CUL5: variants seen among roughly 807,000 people sequenced by gnomAD.
The protein encoded by CUL5 is cullin 5.
Under a neutral mutation model 108.8 loss-of-function variants are expected in CUL5, and 26 were observed. That is an observed-to-expected ratio of 0.24 (90% confidence interval 0.18 to 0.33). The LOEUF (loss-of-function observed/expected upper bound fraction) is 0.33. Among genes scored for constraint, CUL5 ranks in the 10% least tolerant of loss-of-function variants. The pLI is 1.00. For missense variants in CUL5, 524 were observed against 909.2 expected, an observed-to-expected ratio of 0.58 and a Z score of 5.45; for synonymous variants, 334 against 298.0, an observed-to-expected ratio of 1.12 and a Z score of -1.25.
At chr11:108,067,496 C>A (rs1042700967) in intron 7 of CUL5, among the ~76,000 whole-genome samples, 2 of 151,542 alleles carry the variant, frequency 1.3e-5, no homozygotes, top group Admixed American at 6.6e-5. Context: ...TTCATTGTTA[C>A]AATATGTGAT....
At chr11:108,100,783 C>T (rs1314839031) in intron 18 of CUL5, among the ~76,000 whole-genome samples, 2 of 152,178 alleles carry the variant, frequency 1.3e-5, no homozygotes, top group Non-Finnish European at 2.9e-5. Flanking sequence ...GTAATCCCAA[C>T]ACTTTGGGAG....
intron 2 of CUL5, among the ~76,000 whole-genome samples, chr11:108,037,212 C>G (rs573146085): frequency 6.6e-6 from 1 of 152,218 alleles, no homozygotes; most frequent in Admixed American, 6.5e-5. Flanking sequence ...AATGAGGTAG[C>G]CAATTTTCCT....
intron 2 of CUL5, among the ~76,000 whole-genome samples, chr11:108,045,774 C>T (rs1262274545): frequency 3.3e-5 from 5 of 152,118 alleles, no homozygotes; most frequent in South Asian, 2.1e-4. Context: ...GAGGGAGGAT[C>T]GCCTCAACCC....
At chr11:108,052,605 T>C (rs1231510103) in intron 4 of CUL5, 55 bp from the exon 5 acceptor site, 2 of 1,490,414 alleles carry the variant, frequency 1.3e-6, no homozygotes, top group African/African-American at 1.4e-5. Flanking sequence ...TTGTACATGA[T>C]ACTTTGTATA....
At position 108,098,416 on chromosome 11, in the gene CUL5, A is replaced by T; in HGVS notation, c.2035A>T (p.Lys679Ter). 1 of 1,602,778 alleles carries T rather than the reference A, an allele frequency of 6.2e-7. No individual in the cohort carries two copies. The highest frequency in any genetic ancestry group is 8.5e-7 in the Non-Finnish European group (1 of 1,176,122). Reference protein sequence around the residue: ...NQEFSLIKNAKVQKRGKINLI... With the variant: ...NQEFSLIKNA ...CAATTCTTTTTGTAGAAAAAATGCA[A>T]AGGTTCAGAAAAGGGGTAAAATCAA... Residue 679 changes from lysine (K) to a stop codon, truncating the protein, a stop_gained, in exon 18 of 19, where the codon AAG (lysine) becomes TAG (stop). Transcript: ENST00000393094. LOFTEE classifies it high-confidence loss of function.
Position 108,008,931 on chromosome 11 carries a change from C to CGCGGAACCTGAGCT in CUL5, c.-413_-400dup, listed in dbSNP as rs1861984558. The CGCGGAACCTGAGCT allele has an allele frequency of 1.2e-5, 2 of 170,800 alleles. No individual in the cohort carries two copies. The highest frequency in any genetic ancestry group is 4.7e-5 in the African/African-American group (2 of 42,258). 10.6% of individuals were successfully genotyped at this position (170,800 alleles called of 1,614,324 possible). A position where few individuals can be genotyped will look rare whatever the true frequency, so the allele number is the denominator to read the frequency against. On this transcript the variant is annotated 5_prime_UTR_variant, in exon 1 of 19. Coordinates refer to ENST00000393094, the MANE Select transcript of CUL5 (RefSeq NM_003478.6). ...CCGCCCTCGCGTCACGTGACGTGGC[C>CGCGGAACCTGAGCT]GCGGAACCTGAGCTGCGGGGCCTAA...
chr11:108,019,410 C>T (rs953719530), intron 1 of CUL5, among the ~76,000 whole-genome samples: 5 of 152,138 alleles, frequency 3.3e-5, no homozygotes, highest in East Asian at 3.8e-4. Context: ...ATCTAAAATA[C>T]GACAACTGAG....
rs989536263 is a variant in CUL5, at chr11:108,087,907, G to A, written c.1179-620G>A. ...TTGAACCCGAGAGGCAGAGGTTGCAGTGAGCCAAGATGGCATCATTGCACT... is the reference window on the plus strand; with the variant it reads ...TTGAACCCGAGAGGCAGAGGTTGCAATGAGCCAAGATGGCATCATTGCACT... On this transcript the variant is annotated intron_variant, in intron 11 of 18. Transcript: ENST00000393094. Among the ~76,000 whole-genome samples the A allele has an allele frequency of 7.2e-5, 11 of 152,098 alleles. No individual in the cohort carries two copies. In the South Asian group the frequency reaches 2.3e-3, roughly 31 times the overall value.
At chr11:108,078,282 C>T in intron 11 of CUL5, 42 bp downstream of exon 11, 1 of 1,230,840 alleles carries the variant, frequency 8.1e-7, no homozygotes, top group Non-Finnish European at 1.2e-6. Flanking sequence ...CTTAAATTTT[C>T]TTTAGTGTAA....
At position 108,056,127 on chromosome 11, in the gene CUL5, G is replaced by A. The variant is rs1863371882; in HGVS notation, c.780+1172G>A. Among the ~76,000 whole-genome samples, 3 of 152,162 alleles carry A rather than the reference G, an allele frequency of 2.0e-5. No homozygotes were observed. In the South Asian group the frequency reaches 6.2e-4, roughly 31 times the overall value. ...CTAGTCAGTGACAGTACCATGGTAGGTGTTTTCTTTTACGTGGAGGACTGA... is the reference window on the plus strand; with the variant it reads ...CTAGTCAGTGACAGTACCATGGTAGATGTTTTCTTTTACGTGGAGGACTGA... On this transcript the variant is annotated intron_variant, in intron 7 of 18. Coordinates refer to ENST00000393094, the MANE Select transcript of CUL5 (RefSeq NM_003478.6).
chr11:108,046,403 A>G (rs1863067625), intron 3 of CUL5, 34 bp downstream of exon 3: 2 of 1,211,494 alleles, frequency 1.7e-6, no homozygotes, highest in Admixed American at 1.9e-5. Context: ...GACTTGTTTT[A>G]AAACTACTCA....
chr11:108,080,739 G>T, intron 11 of CUL5, among the ~76,000 whole-genome samples: 1 of 152,028 alleles, frequency 6.6e-6, no homozygotes, highest in Non-Finnish European at 1.5e-5. Flanking sequence ...TTGTTGAGTT[G>T]TAAGAGTTCT....
chr11:108,098,453 G>GT lies in CUL5; in HGVS notation c.2075dup (p.Leu692PhefsTer14). ...AGGGGTAAAATCAACTTGATTGGAC[G>GT]TTTGCAGCTCACTACAGAAAGGATG... is the stretch of plus-strand genomic sequence containing the variant. On this transcript the variant is annotated frameshift_variant, in exon 18 of 19. Coordinates refer to ENST00000393094, the MANE Select transcript of CUL5 (RefSeq NM_003478.6). LOFTEE classifies it high-confidence loss of function. 6.2e-7 allele frequency: 1 copy of GT among 1,605,372 alleles called. No individual in the cohort carries two copies. Among genetic ancestry groups the GT allele is most frequent in the Non-Finnish European group, 8.5e-7 (1 of 1,176,190 alleles).
At chr11:108,048,622 A>G (rs993783794) in intron 3 of CUL5, among the ~76,000 whole-genome samples, 10 of 147,012 alleles carry the variant, frequency 6.8e-5, no homozygotes, top group Non-Finnish European at 1.5e-4. Flanking sequence ...CCCAAACTCT[A>G]ATAGTGGGGA....
chr11:108,080,741 A>G (rs1864058230), intron 11 of CUL5, among the ~76,000 whole-genome samples: 1 of 151,980 alleles, frequency 6.6e-6, no homozygotes, highest in African/African-American at 2.4e-5. Flanking sequence ...GTTGAGTTGT[A>G]AGAGTTCTTT....
chr11:108,044,847 C>T (rs1169570684), intron 2 of CUL5, among the ~76,000 whole-genome samples: 11 of 152,028 alleles, frequency 7.2e-5, no homozygotes, highest in South Asian at 4.2e-4. Flanking sequence ...CTGCAACCTC[C>T]GCCTCCCGGG....
intron 13 of CUL5, among the ~76,000 whole-genome samples, chr11:108,091,862 A>G (rs1864371916): frequency 6.6e-6 from 1 of 151,308 alleles, no homozygotes; most frequent in Non-Finnish European, 1.5e-5. Context: ...TGAAATGCTC[A>G]ACATGTTGGC....
At chr11:108,089,762 G>A (rs921039833) in intron 13 of CUL5, 139 bp downstream of exon 13, 82 of 497,126 alleles carry the variant, frequency 1.6e-4, no homozygotes, top group Non-Finnish European at 2.2e-4. Context: ...CAGTTAGGCC[G>A]GGCGCACTGG....
intron 2 of CUL5, among the ~76,000 whole-genome samples, chr11:108,045,809 G>A (rs1013193637): frequency 2.0e-5 from 3 of 152,244 alleles, no homozygotes; most frequent in South Asian, 2.1e-4. Context: ...GCAGTGAGCC[G>A]TGATTGTGCC....
Sources: gnomAD v4.1 joint callset for allele counts (sites outside exome capture counted in the v4.1 genomes callset) on GRCh38, gnomAD v4.1.1 for gene constraint, MANE v1.5 for transcripts, NCBI Gene and HGNC (gene_info 2026-07-23, HGNC 2026-07-21) for gene names.